Variants in TRIM47 observed in about 807,000 individuals in gnomAD.
TRIM47 encodes the protein E3 ubiquitin-protein ligase TRIM47.
A neutral mutation model predicts 54.4 loss-of-function variants in TRIM47; 46 were observed. That is an observed-to-expected ratio of 0.84 (90% CI 0.67 to 1.08). The LOEUF is 1.08. Ranked by LOEUF, TRIM47 falls within the 50% of genes least tolerant of loss-of-function variation. TRIM47 has a pLI of 0.00. For missense variants in TRIM47, 825 were observed against 910.1 expected, an observed-to-expected ratio of 0.91 and a Z score of 1.20; for synonymous variants, 392 against 410.2, an observed-to-expected ratio of 0.96 and a Z score of 0.54.
chr17:75,876,884 T>G, intron 1 of TRIM47, 71 bp from the exon 2 acceptor site: 1 of 1,484,272 alleles, frequency 6.7e-7, no homozygotes, highest in Non-Finnish European at 9.2e-7. Flanking sequence ...TCCCAGGCCT[T>G]GCCAGGGGAG....
At position 75,874,542 on chromosome 17, in the gene TRIM47, C is replaced by T. The variant is rs369775248; in HGVS notation, c.1858G>A (p.Ala620Thr). The part of the protein sequence containing the change: ...KPAFFLESVD[A>T]HLQIGPLKKS... ...TTGAGGGGCCCGATCTGCAAGTGGG[C>T]GTCCACACTCTCCAGGAAGAAGGCA... is the stretch of plus-strand genomic sequence containing the variant. The change falls in exon 6 of 6, where the codon GCC becomes ACC. Residue 620 changes from alanine (A) to threonine (T), a missense_variant. Ala to Thr is a moderately conservative substitution (Grantham distance 58). Coordinates refer to ENST00000254816, the MANE Select transcript of TRIM47 (RefSeq NM_033452.3). The surrounding 1 kb of genome is among the most constrained non-coding windows in gnomAD (Gnocchi z 6.2). 1.9e-5 allele frequency: 29 copies of T among 1,518,846 alleles called. No individual in the cohort carries two copies. In the Admixed American group the frequency reaches 2.5e-4, roughly 13 times the overall value. 94.1% of individuals were successfully genotyped at this position (1,518,846 alleles called of 1,614,324 possible).
rs1414832034 is a variant in TRIM47, at chr17:75,878,120, G to A, written c.429C>T (p.Ser143=). ...AAAAGGAGGCGAGGCAGGAGAGGCA[G>A]GACAGCGCGGCGGGCAGGGCCGCGC... ...PEGAALPAAL[S]CLSCLASFCP... Residue 143 remains serine, a synonymous_variant, in exon 1 of 6, where the codon TCC becomes TCT. Transcript: ENST00000254816. The A allele has an allele frequency of 4.7e-6, 6 of 1,277,976 alleles. No homozygotes were observed. The highest frequency in any genetic ancestry group is 5.9e-6 in the Non-Finnish European group (6 of 1,014,392). 79.2% of individuals were successfully genotyped at this position (1,277,976 alleles called of 1,614,324 possible). A position where few individuals can be genotyped will look rare whatever the true frequency, so the allele number is the denominator to read the frequency against.
At position 75,877,894 on chromosome 17, in the gene TRIM47, G is replaced by T; in HGVS notation, c.655C>A (p.Gln219Lys). 1 of 1,411,222 alleles carries T rather than the reference G, an allele frequency of 7.1e-7. No homozygotes were observed. Among genetic ancestry groups the T allele is most frequent in the East Asian group, 3.0e-5 (1 of 33,240 alleles). 87.4% of individuals were successfully genotyped at this position (1,411,222 alleles called of 1,614,324 possible). A position where few individuals can be genotyped will look rare whatever the true frequency, so the allele number is the denominator to read the frequency against. The change falls in exon 1 of 6, where the codon CAG becomes AAG. Residue 219 changes from glutamine to lysine, a missense_variant. Physicochemically the swap from Gln to Lys is moderately conservative, Grantham distance 53. Coordinates refer to ENST00000254816, the MANE Select transcript of TRIM47 (RefSeq NM_033452.3). ...HRGHELVPLE[Q>K]ERALQEAEQS... ...CCCACCTCCTGAAGCGCGCGCTCCT[G>T]CTCCAGCGGCACCAGCTCGTGGCCG...
chr17:75,878,141 C>T lies in TRIM47; in HGVS notation c.408G>A (p.Ala136=). Residue 136 remains alanine, a synonymous_variant, in exon 1 of 6, where the codon GCG becomes GCA. Transcript: ENST00000254816. The part of the protein sequence containing the change: ...PVRCDACPEG[A]ALPAALSCLS... ...GGCAGGACAGCGCGGCGGGCAGGGC[C>T]GCGCCCTCGGGGCACGCGTCGCAGC... The T allele has an allele frequency of 4.8e-6, 6 of 1,249,326 alleles. No individual in the cohort carries two copies. Among genetic ancestry groups the T allele is most frequent in the Non-Finnish European group, 5.0e-6 (5 of 997,936 alleles). The allele number at this position is 1,249,326 out of a possible 1,614,324, so 77.4% of individuals were successfully genotyped here. A position where few individuals can be genotyped will look rare whatever the true frequency, so the allele number is the denominator to read the frequency against.
Position 75,875,406 on chromosome 17 carries a change from G to A in TRIM47, c.1270C>T (p.Leu424Phe). 2 of 1,614,026 alleles carry A rather than the reference G, an allele frequency of 1.2e-6. No individual in the cohort carries two copies. Among genetic ancestry groups the A allele is most frequent in the Non-Finnish European group, 8.5e-7 (1 of 1,179,962 alleles). The change falls in exon 5 of 6, where the codon CTC becomes TTC. Residue 424 changes from leucine (L) to phenylalanine (F), a missense_variant. By Grantham distance (22) the Leu-to-Phe change is conservative. Coordinates refer to ENST00000254816, the MANE Select transcript of TRIM47 (RefSeq NM_033452.3). The surrounding 1 kb of genome is among the most constrained non-coding windows in gnomAD (Gnocchi z 6.1). ...GGCACGGGCGTCCACTTACACTTGA[G>A]GAAATAGTCCCTGGGAGCTTCACTC... Reference protein sequence around the residue: ...LESEAPRDYFLKFAYIVDLDS... With the variant: ...LESEAPRDYFFKFAYIVDLDS...
intron 1 of TRIM47, 141 bp from the exon 2 acceptor site, chr17:75,876,954 G>GA (rs1429485379): frequency 3.9e-6 from 3 of 771,912 alleles, no homozygotes; most frequent in Non-Finnish European, 6.2e-6. Context: ...TGGCCACGAT[G>GA]TCCCATAATA....
rs748087482 is a variant in TRIM47, at chr17:75,874,504, T to C, written c.1896A>G (p.Ile632Met). The C allele has an allele frequency of 3.3e-6, 5 of 1,509,404 alleles. No individual in the cohort carries two copies. Among genetic ancestry groups the C allele is most frequent in the Non-Finnish European group, 4.4e-6 (5 of 1,128,792 alleles). The allele number at this position is 1,509,404 out of a possible 1,614,324, so 93.5% of individuals were successfully genotyped here. ...LQIGPLKKSC[I>M]SVLKRR ...GGCATCACCTCCTCTTCAGCACGGA[T>C]ATGCAGGACTTCTTGAGGGGCCCGA... The change falls in exon 6 of 6, where the codon ATA (isoleucine) becomes ATG (methionine). Residue 632 changes from isoleucine (I) to methionine (M), a missense_variant. Ile to Met is a conservative substitution (Grantham distance 10). Coordinates refer to ENST00000254816, the MANE Select transcript of TRIM47 (RefSeq NM_033452.3). This position sits in a 1 kb window ranked among gnomAD's most constrained non-coding sequence, Gnocchi z 6.2.
Position 75,875,548 on chromosome 17 carries a change from C to G in TRIM47, c.1202-74G>C. ...TGAACCTGTGACTACAATCCCTACCCCCTTCACTTCCTCCCAGAGTCCAGA... is the reference window on the plus strand; with the variant it reads ...TGAACCTGTGACTACAATCCCTACCGCCTTCACTTCCTCCCAGAGTCCAGA... On this transcript the variant is annotated intron_variant, in intron 4 of 5. Coordinates refer to ENST00000254816, the MANE Select transcript of TRIM47 (RefSeq NM_033452.3). The surrounding 1 kb of genome is among the most constrained non-coding windows in gnomAD (Gnocchi z 6.1). 1 of 1,346,280 alleles carries G rather than the reference C, an allele frequency of 7.4e-7. No homozygotes were observed. Among genetic ancestry groups the G allele is most frequent in the South Asian group, 1.2e-5 (1 of 84,198 alleles). The allele number at this position is 1,346,280 out of a possible 1,614,324, so 83.4% of individuals were successfully genotyped here.
chr17:75,876,252 CG>C lies in TRIM47; in HGVS notation c.1002+9del. The C allele has an allele frequency of 6.3e-7, 1 of 1,596,516 alleles. No homozygotes were observed. Among genetic ancestry groups the C allele is most frequent in the Non-Finnish European group, 8.5e-7 (1 of 1,172,790 alleles). On this transcript the variant is annotated intron_variant, in intron 3 of 5. Coordinates refer to ENST00000254816, the MANE Select transcript of TRIM47 (RefSeq NM_033452.3). ...TCTGTTCCTTCCGTGGCCCCCAGAG[CG>C]GCCTTCACCTGCAGGAAGCTGACTG...
Position 75,875,728 on chromosome 17 carries a change from A to G in TRIM47, c.1201+173T>C. ...AGAAGCCCCCTCTACCCCAGGTCCAAGGGGCTGATTGATCCCCACAGGGTG... is the reference window on the plus strand; with the variant it reads ...AGAAGCCCCCTCTACCCCAGGTCCAGGGGGCTGATTGATCCCCACAGGGTG... On this transcript the variant is annotated intron_variant, in intron 4 of 5. Transcript: ENST00000254816. This position sits in a 1 kb window ranked among gnomAD's most constrained non-coding sequence, Gnocchi z 6.1. The G allele has an allele frequency of 1.2e-6, 1 of 811,602 alleles. No individual in the cohort carries two copies. 50.3% of individuals were successfully genotyped at this position (811,602 alleles called of 1,614,324 possible).
At chr17:75,877,666 T>C (rs1256497908) in intron 1 of TRIM47, 6 of 1,230,748 alleles carry the variant, frequency 4.9e-6, no homozygotes, top group Admixed American at 8.5e-5. Context: ...GTCCTTGTCC[T>C]GTTCTCACGT....
Position 75,874,907 on chromosome 17 carries a change from A to G in TRIM47, c.1493T>C (p.Met498Thr), listed in dbSNP as rs146628245. The change falls in exon 6 of 6, where the codon ATG becomes ACG. Residue 498 changes from methionine (M) to threonine (T), a missense_variant. Coordinates refer to ENST00000254816, the MANE Select transcript of TRIM47 (RefSeq NM_033452.3). This position sits in a 1 kb window ranked among gnomAD's most constrained non-coding sequence, Gnocchi z 6.2. ...CTCTTGTGGGGAGAAGTCTTCGGCC[A>G]TGACCCCCATGCTGACCCAGCCCTC... ...IIEGWVSMGV[M>T]AEDFSPQEPY... The G allele has an allele frequency of 1.2e-5, 20 of 1,613,872 alleles. No homozygotes were observed. Among genetic ancestry groups the G allele is most frequent in the African/African-American group, 8.0e-5 (6 of 74,904 alleles).
Position 75,878,510 on chromosome 17 carries a change from T to C in TRIM47, c.39A>G (p.Leu13=). The C allele has an allele frequency of 7.4e-7, 1 of 1,342,316 alleles. No homozygotes were observed. Among genetic ancestry groups the C allele is most frequent in the South Asian group, 1.9e-5 (1 of 51,308 alleles). 83.2% of individuals were successfully genotyped at this position (1,342,316 alleles called of 1,614,324 possible). The part of the protein sequence containing the change: ...GSGPFSCPIC[L]EPLREPVTLP... ...GCGTCACCGGCTCCCGGAGTGGCTC[T>C]AGGCAGATGGGGCAGCTGAAGGGTC... The change falls in exon 1 of 6, where the codon CTA becomes CTG. Residue 13 remains leucine, a synonymous_variant. Transcript: ENST00000254816.
chr17:75,877,721 C>T (rs2065143754), intron 1 of TRIM47, 153 bp downstream of exon 1: 2 of 1,236,922 alleles, frequency 1.6e-6, no homozygotes, highest in South Asian at 3.8e-5. Flanking sequence ...AGCAGATGAC[C>T]TTGTCAAGGC....
Position 75,875,068 on chromosome 17 carries a change from A to C in TRIM47, c.1332T>G (p.Phe444Leu). 6.2e-7 allele frequency: 1 copy of C among 1,610,564 alleles called. No individual in the cohort carries two copies. Among genetic ancestry groups the C allele is most frequent in the South Asian group, 1.1e-5 (1 of 91,034 alleles). ...SDTADKFLQL[F>L]GTKGVKRVLC... Reference sequence around the variant, plus strand: ...GCACCCTCTTGACACCTTTGGTTCCAAACAGCTGCAGGAACTTGTCTGCTG... The same window carrying C: ...GCACCCTCTTGACACCTTTGGTTCCCAACAGCTGCAGGAACTTGTCTGCTG... Residue 444 changes from phenylalanine (F) to leucine (L), a missense_variant, in exon 6 of 6, where the codon TTT becomes TTG. Coordinates refer to ENST00000254816, the MANE Select transcript of TRIM47 (RefSeq NM_033452.3). The surrounding 1 kb of genome is among the most constrained non-coding windows in gnomAD (Gnocchi z 6.1).
intron 1 of TRIM47, chr17:75,877,548 C>G (rs182607833): frequency 1.7e-6 from 1 of 580,606 alleles, no homozygotes; most frequent in Non-Finnish European, 2.4e-6. Context: ...ACCCTCCGGG[C>G]GGGAGCAGCA....
At position 75,875,313 on chromosome 17, in the gene TRIM47, C is replaced by A; in HGVS notation, c.1276+87G>T. 6.6e-7 allele frequency: 1 copy of A among 1,505,480 alleles called. No homozygotes were observed. The highest frequency in any genetic ancestry group is 1.4e-5 in the African/African-American group (1 of 72,144). The allele number at this position is 1,505,480 out of a possible 1,614,324, so 93.3% of individuals were successfully genotyped here. ...CACAAACTGGGGAGAGGAATCCTAA[C>A]CCTTGTGTGCCAGGGCCCTGCTGGG... On this transcript the variant is annotated intron_variant, in intron 5 of 5. Coordinates refer to ENST00000254816, the MANE Select transcript of TRIM47 (RefSeq NM_033452.3). This position sits in a 1 kb window ranked among gnomAD's most constrained non-coding sequence, Gnocchi z 6.1.
chr17:75,876,554 C>G lies in TRIM47; in HGVS notation c.772-62G>C, dbSNP rs567165516. 4.0e-6 allele frequency: 6 copies of G among 1,512,032 alleles called. No individual in the cohort carries two copies. In the Admixed American group the frequency reaches 1.2e-4, roughly 31 times the overall value. 93.7% of individuals were successfully genotyped at this position (1,512,032 alleles called of 1,614,324 possible). ...AAGAACCGTCCCGGACTGTACCCCC[C>G]TCCTTCCCTGACCCCGGCTTCCCAC... On this transcript the variant is annotated intron_variant, in intron 2 of 5. Coordinates refer to ENST00000254816, the MANE Select transcript of TRIM47 (RefSeq NM_033452.3).
At position 75,875,360 on chromosome 17, in the gene TRIM47, G is replaced by T; in HGVS notation, c.1276+40C>A. On this transcript the variant is annotated intron_variant, in intron 5 of 5. Transcript: ENST00000254816. This position sits in a 1 kb window ranked among gnomAD's most constrained non-coding sequence, Gnocchi z 6.1. ...TGGGACCAGCCCAGCAGCCCTGGGAGGGCCCAGTGTGAGTGGAGGGGGCAC... is the reference window on the plus strand; with the variant it reads ...TGGGACCAGCCCAGCAGCCCTGGGATGGCCCAGTGTGAGTGGAGGGGGCAC... 6.2e-7 allele frequency: 1 copy of T among 1,601,482 alleles called. No homozygotes were observed. The highest frequency in any genetic ancestry group is 8.6e-7 in the Non-Finnish European group (1 of 1,168,760).
Sources: allele counts gnomAD v4.1 joint callset, GRCh38; gene constraint gnomAD v4.1.1; non-coding constraint Gnocchi (gnomAD v3.1); transcripts MANE v1.5; gene names NCBI Gene and HGNC (gene_info 2026-07-23, HGNC 2026-07-21).